OPCML: variants seen among roughly 807,000 people sequenced by gnomAD.
OPCML encodes opioid-binding protein/cell adhesion molecule.
OPCML carries 13 observed loss-of-function variants against 37.8 expected under a neutral mutation model. That is an observed-to-expected ratio of 0.34 (90% CI 0.22 to 0.55). The LOEUF (loss-of-function observed/expected upper bound fraction) is 0.55, where lower values mean the gene tolerates loss of function less well. Among genes scored for constraint, OPCML ranks in the 20% least tolerant of loss-of-function variants. The pLI is 0.91. For missense variants in OPCML, 341 were observed against 435.6 expected, an observed-to-expected ratio of 0.78 and a Z score of 1.93; for synonymous variants, 176 against 168.8, an observed-to-expected ratio of 1.04 and a Z score of -0.33.
intron 1 of OPCML, among the ~76,000 whole-genome samples, chr11:133,315,435 A>T (rs1943182562): frequency 6.6e-6 from 1 of 152,174 alleles, no homozygotes; most frequent in Non-Finnish European, 1.5e-5. Flanking sequence ...TAAACTAGAA[A>T]ATCTCTTTCT....
At chr11:133,473,900 G>C (rs1221668654) in intron 1 of OPCML, among the ~76,000 whole-genome samples, 1 of 152,180 alleles carries the variant, frequency 6.6e-6, no homozygotes, top group Non-Finnish European at 1.5e-5. Context: ...GCTATACTGA[G>C]CATAATATTT....
intron 1 of OPCML, among the ~76,000 whole-genome samples, chr11:133,213,290 G>A (rs10894662): frequency 0.61 from 91,543 of 149,444 alleles, 28,081 homozygotes; most frequent in Admixed American, 0.64. Flanking sequence ...ACGTCCTAGA[G>A]TCAAGCAAAA....
chr11:133,058,641 C>T lies in OPCML; in HGVS notation c.62-115631G>A, dbSNP rs537657333. On this transcript the variant is annotated intron_variant, in intron 1 of 7. Transcript: ENST00000524381. ...TGGAGGGACCAGGCATCTCGGAGCA[C>T]GCTGGCTAAATCAGGTAGTGAGCGC... is the stretch of plus-strand genomic sequence containing the variant. 2.6e-5 allele frequency among the ~76,000 whole-genome samples: 4 copies of T among 152,356 alleles called. No individual in the cohort carries two copies. In the South Asian group the frequency reaches 6.2e-4, roughly 24 times the overall value.
At position 133,111,561 on chromosome 11, in the gene OPCML, T is replaced by A. The variant is rs1034930801; in HGVS notation, c.62-168551A>T. 2.0e-5 allele frequency among the ~76,000 whole-genome samples: 3 copies of A among 152,294 alleles called. No homozygotes were observed. The East Asian group carries it at 5.8e-4, about 29-fold the overall frequency. On this transcript the variant is annotated intron_variant, in intron 1 of 7. Coordinates refer to ENST00000524381, the MANE Select transcript of OPCML (RefSeq NM_001012393.5). ...AGCTCCATGGACACAGTAAATGCAA[T>A]ATTTAACACCCAAGAGGGAAGTGTT...
At chr11:133,477,808 A>G (rs1947278127) in intron 1 of OPCML, among the ~76,000 whole-genome samples, 1 of 152,166 alleles carries the variant, frequency 6.6e-6, no homozygotes, top group Non-Finnish European at 1.5e-5. Flanking sequence ...AACTATGTAC[A>G]ATTTGCCCTC....
At chr11:133,260,802 T>C (rs1330960482) in intron 1 of OPCML, among the ~76,000 whole-genome samples, 1 of 152,230 alleles carries the variant, frequency 6.6e-6, no homozygotes, top group Non-Finnish European at 1.5e-5. Context: ...ATCCACGTAC[T>C]CTGCTTCCCC....
At chr11:133,157,763 T>G (rs1425059913) in intron 1 of OPCML, among the ~76,000 whole-genome samples, 1 of 152,212 alleles carries the variant, frequency 6.6e-6, no homozygotes, top group Non-Finnish European at 1.5e-5. Context: ...GGGACCTAAA[T>G]TGTCCAATTT....
intron 1 of OPCML, among the ~76,000 whole-genome samples, chr11:133,125,864 T>C (rs528943179): frequency 6.8e-6 from 1 of 146,978 alleles, no homozygotes; most frequent in South Asian, 2.1e-4. Flanking sequence ...TATATACACA[T>C]GTATATATAG....
chr11:132,660,836 G>A (rs1325227638), intron 2 of OPCML, among the ~76,000 whole-genome samples: 2 of 152,154 alleles, frequency 1.3e-5, no homozygotes, highest in African/African-American at 4.8e-5. Context: ...AGCCAAAGAA[G>A]TTTATCTCCT....
At chr11:132,447,876 C>G (rs1253543383) in intron 4 of OPCML, among the ~76,000 whole-genome samples, 1 of 152,216 alleles carries the variant, frequency 6.6e-6, no homozygotes, top group Non-Finnish European at 1.5e-5. Flanking sequence ...TCTGTGTGCT[C>G]TCTTTCTCCC....
At chr11:133,432,814 T>C (rs1225937287) in intron 1 of OPCML, among the ~76,000 whole-genome samples, 1 of 152,178 alleles carries the variant, frequency 6.6e-6, no homozygotes, top group African/African-American at 2.4e-5. Flanking sequence ...ATGTTGCATT[T>C]TTGAGAGAGA....
At chr11:132,861,350 T>C (rs1339043045) in intron 2 of OPCML, among the ~76,000 whole-genome samples, 1 of 152,234 alleles carries the variant, frequency 6.6e-6, no homozygotes, top group African/African-American at 2.4e-5. Flanking sequence ...TTCAGTTTCC[T>C]CGACTGAAAA....
intron 2 of OPCML, among the ~76,000 whole-genome samples, chr11:132,793,827 T>C (rs531422948): frequency 6.6e-6 from 1 of 152,282 alleles, no homozygotes; most frequent in African/African-American, 2.4e-5. Flanking sequence ...AACGATTTCC[T>C]ACCTAAGTGT....
At chr11:133,048,238 G>A (rs1012584205) in intron 1 of OPCML, among the ~76,000 whole-genome samples, 7 of 152,088 alleles carry the variant, frequency 4.6e-5, no homozygotes, top group African/African-American at 1.7e-4. Context: ...ATCCCATGAG[G>A]GATGTACTCT....
chr11:133,344,007 G>T (rs918345807), intron 1 of OPCML, among the ~76,000 whole-genome samples: 5 of 152,172 alleles, frequency 3.3e-5, no homozygotes, highest in Admixed American at 1.3e-4. Context: ...ATCCCTAATA[G>T]CCTTTATGAT....
intron 2 of OPCML, among the ~76,000 whole-genome samples, chr11:132,676,008 G>A (rs915814831): frequency 6.6e-6 from 1 of 152,138 alleles, no homozygotes; most frequent in Non-Finnish European, 1.5e-5. Flanking sequence ...GGAGAAAAAA[G>A]TTGGAGGAAT....
At position 133,370,735 on chromosome 11, in the gene OPCML, A is replaced by G. The variant is rs1944657207; in HGVS notation, c.61+161529T>C. Among the ~76,000 whole-genome samples the G allele has an allele frequency of 2.0e-5, 3 of 152,170 alleles. No individual in the cohort carries two copies. The South Asian group carries it at 6.2e-4, about 31-fold the overall frequency. On this transcript the variant is annotated intron_variant, in intron 1 of 7. Transcript: ENST00000524381. ...GTAAAACTACTAGAAGAAAATATATAGAGCACACTTCAGAACATTGGCCTA... is the reference window on the plus strand; with the variant it reads ...GTAAAACTACTAGAAGAAAATATATGGAGCACACTTCAGAACATTGGCCTA...
chr11:132,997,667 C>G (rs986732798), intron 1 of OPCML, among the ~76,000 whole-genome samples: 3 of 151,978 alleles, frequency 2.0e-5, no homozygotes, highest in Non-Finnish European at 1.5e-5. Flanking sequence ...ACCATGGACT[C>G]TCAAGAGAAG....
intron 3 of OPCML, among the ~76,000 whole-genome samples, chr11:132,627,985 G>GCATATTT (rs1939850121): frequency 1.3e-5 from 2 of 152,144 alleles, no homozygotes; most frequent in East Asian, 3.9e-4. Context: ...TGTAGAGAAA[G>GCATATTT]CATATTTAAA....
Sources: allele counts gnomAD v4.1 joint callset (sites outside exome capture counted in the v4.1 genomes callset), GRCh38; gene constraint gnomAD v4.1.1; transcripts MANE v1.5; gene names NCBI Gene and HGNC (gene_info 2026-07-23, HGNC 2026-07-21).